The following GAK variants were observed in gnomAD, a reference collection of about 807,000 sequenced individuals.
GAK encodes the protein cyclin-G-associated kinase.
GAK carries 79 observed loss-of-function variants against 143.9 expected under a neutral mutation model. The ratio of observed to expected loss-of-function variants is 0.55; its 90% CI spans 0.46 to 0.66. The LOEUF (loss-of-function observed/expected upper bound fraction) is 0.66, where lower values mean the gene tolerates loss of function less well. GAK is among the 30% of genes least tolerant of loss of function. The probability of loss-of-function intolerance (pLI) is 0.00; values close to 1 mark genes in which losing one functional copy is unlikely to be tolerated. For missense variants in GAK, 1,693 were observed against 1,779.7 expected (o/e 0.95, Z 0.88); for synonymous variants, 881 against 765.5 (o/e 1.15, Z -2.49).
At chr4:895,111 G>A (rs1410846934) in intron 7 of GAK, among the ~76,000 whole-genome samples, 5 of 152,210 alleles carry the variant, frequency 3.3e-5, no homozygotes, top group African/African-American at 1.2e-4. Context: ...GCTATGCGAG[G>A]GGCAAGGCAC....
At chr4:876,024 C>G (rs1318736552) in intron 18 of GAK, among the ~76,000 whole-genome samples, 2 of 151,128 alleles carry the variant, frequency 1.3e-5, no homozygotes, top group African/African-American at 4.9e-5. Flanking sequence ...TGCACCTGAG[C>G]CTGCAGAGGG....
intron 15 of GAK, among the ~76,000 whole-genome samples, chr4:881,487 G>A (rs748243663): frequency 5.3e-5 from 8 of 152,198 alleles, no homozygotes; most frequent in Admixed American, 2.0e-4. Flanking sequence ...CGCTGAGGTG[G>A]AGCGGCACAG....
intron 14 of GAK, 22 bp from the exon 15 acceptor site, chr4:882,062 C>T (rs372517471): frequency 2.1e-5 from 33 of 1,583,450 alleles, no homozygotes; most frequent in African/African-American, 1.2e-4. Flanking sequence ...AGACACGTCT[C>T]GCGTGCGCCT....
chr4:884,163 C>A, intron 11 of GAK, 77 bp from the exon 12 acceptor site: 1 of 1,344,670 alleles, frequency 7.4e-7, no homozygotes, highest in South Asian at 1.2e-5. Flanking sequence ...AGCCAGAGCC[C>A]GAGGCCTGGA....
chr4:876,731 C>T (rs1304662929), intron 17 of GAK, 122 bp from the exon 18 acceptor site: 7 of 797,522 alleles, frequency 8.8e-6, no homozygotes, highest in Admixed American at 2.0e-5. Flanking sequence ...GCATGGACGG[C>T]GCCCCCGTGC....
intron 1 of GAK, among the ~76,000 whole-genome samples, chr4:922,760 A>AG (rs1724110230): frequency 6.6e-6 from 1 of 152,298 alleles, no homozygotes; most frequent in Non-Finnish European, 1.5e-5. Flanking sequence ...CTAACAAACT[A>AG]AACACATAAT....
chr4:911,731 T>G lies in GAK; in HGVS notation c.324A>C (p.Gly108=). 6.2e-7 allele frequency: 1 copy of G among 1,614,108 alleles called. No individual in the cohort carries two copies. The highest frequency in any genetic ancestry group is 8.5e-7 in the Non-Finnish European group (1 of 1,179,974). ...CCTGCCCCGTGTCTGACTCCTCTTT[T>G]CCTATAGACGCTGCAGAACAAAACT... ...IVQFCSAASI[G]KEESDTGQAE... is the part of the protein sequence containing the mutation. The change falls in exon 4 of 28, where the codon GGA becomes GGC. Residue 108 remains glycine, a synonymous_variant. Transcript: ENST00000314167.
At position 856,499 on chromosome 4, in the gene GAK, TCAC is replaced by T. The variant is rs544857033; in HGVS notation, c.3283+3104_3283+3106del. Among the ~76,000 whole-genome samples the T allele has an allele frequency of 6.5e-4, 90 of 139,098 alleles. 2 individuals are homozygous for T. Among genetic ancestry groups the T allele is most frequent in the Admixed American group, 1.1e-3 (15 of 13,982 alleles). 91.3% of individuals were successfully genotyped at this position (139,098 alleles called of 152,430 possible). Reference sequence around the variant, plus strand: ...CACCACCACAGCTGCTCACACCTACTCACCACCACAGCTGCTCACACCTGCTCA... The same window carrying T: ...CACCACCACAGCTGCTCACACCTACTCACCACAGCTGCTCACACCTGCTCA... On this transcript the variant is annotated intron_variant, in intron 24 of 27. Coordinates refer to ENST00000314167, the MANE Select transcript of GAK (RefSeq NM_005255.4).
chr4:901,050 A>G (rs1719773569), intron 5 of GAK, among the ~76,000 whole-genome samples: 1 of 152,218 alleles, frequency 6.6e-6, no homozygotes, highest in South Asian at 2.1e-4. Flanking sequence ...GGCCACACTT[A>G]CCCATTTTCA....
At chr4:927,957 T>C (rs971349868) in intron 1 of GAK, among the ~76,000 whole-genome samples, 3 of 152,166 alleles carry the variant, frequency 2.0e-5, no homozygotes, top group Non-Finnish European at 4.4e-5. Flanking sequence ...CTCAGTCACA[T>C]GGCCAAGAGA....
chr4:866,681 C>T, intron 21 of GAK, 147 bp from the exon 22 acceptor site: 1 of 865,962 alleles, frequency 1.2e-6, no homozygotes, highest in Non-Finnish European at 1.8e-6. Context: ...CTGAGGCAGT[C>T]AGCCCAGGGG....
At chr4:879,517 C>A (rs1414766770) in intron 15 of GAK, among the ~76,000 whole-genome samples, 2 of 152,220 alleles carry the variant, frequency 1.3e-5, no homozygotes, top group Non-Finnish European at 2.9e-5. Flanking sequence ...TTGTTCTAGG[C>A]TTTCTGACGA....
rs113398049 is a variant in GAK at position 876,046 on chromosome 4, C to T, written c.2054+484G>A. On this transcript the variant is annotated intron_variant, in intron 18 of 27. Coordinates refer to ENST00000314167, the MANE Select transcript of GAK (RefSeq NM_005255.4). The stretch of plus-strand genomic sequence containing the variant: ...GAGCCTGCAGAGGGCAGGGTATGCG[C>T]TGTTGGGCACCAACGTCAAGAGGAC... Among the ~76,000 whole-genome samples the T allele has an allele frequency of 3.0e-4, 45 of 152,240 alleles. 1 individual carries two copies. The highest frequency in any genetic ancestry group is 9.9e-4 in the African/African-American group (41 of 41,534).
chr4:894,922 G>A (rs1209655126), intron 7 of GAK: 1 of 152,210 alleles, frequency 6.6e-6, no homozygotes, highest in South Asian at 2.1e-4. Context: ...AGAGGTTGCA[G>A]TGCGCCGAGA....
At chr4:914,553 G>A (rs1212986115) in intron 1 of GAK, among the ~76,000 whole-genome samples, 3 of 90,786 alleles carry the variant, frequency 3.3e-5, no homozygotes, top group Non-Finnish European at 2.1e-5. Flanking sequence ...CACAGCCCCA[G>A]CGTGCACGGC....
chr4:851,970 T>G lies in GAK; in HGVS notation c.3288A>C (p.Ser1096=). Residue 1096 remains serine (S), a synonymous_variant, in exon 25 of 28, where the codon TCA becomes TCC. Transcript: ENST00000314167. ...AGCCCCCAGGAGGGAATCCAGCTGG[T>G]GAGCCTGTGGAGATGGAGATCGGAA... ...LGDLSSGLQG[S]PAGFPPGGFI... 1 of 1,613,238 alleles carries G rather than the reference T, an allele frequency of 6.2e-7. No homozygotes were observed. The highest frequency in any genetic ancestry group is 8.5e-7 in the Non-Finnish European group (1 of 1,179,546).
At chr4:884,275 A>G in intron 11 of GAK, 189 bp from the exon 12 acceptor site, 1 of 573,574 alleles carries the variant, frequency 1.7e-6, no homozygotes, top group Non-Finnish European at 3.1e-6. Flanking sequence ...TGTGGAGCTG[A>G]CCCCTACATC....
intron 1 of GAK, among the ~76,000 whole-genome samples, chr4:914,974 GGT>G: frequency 1.3e-5 from 1 of 74,558 alleles, no homozygotes; most frequent in Middle Eastern, 0.014. Context: ...CACACACACA[GGT>G]CCAGCGTACA....
intron 4 of GAK, 94 bp downstream of exon 4, chr4:911,579 G>C (rs1029244023): frequency 7.3e-6 from 6 of 820,148 alleles, no homozygotes; most frequent in Non-Finnish European, 1.2e-5. Context: ...AGAAGATGCC[G>C]GGCATGTTTC....
Sources: allele counts gnomAD v4.1 joint callset (sites outside exome capture counted in the v4.1 genomes callset), GRCh38; gene constraint gnomAD v4.1.1; transcripts MANE v1.5; gene names NCBI Gene and HGNC (gene_info 2026-07-23, HGNC 2026-07-21).